TPPP2: variants seen among roughly 807,000 people sequenced by gnomAD.
TPPP2 encodes tubulin polymerization promoting protein family member 2.
In TPPP2, 8 loss-of-function variants were observed where a neutral mutation model predicts 13.0. The observed-to-expected ratio is 0.62, with a 90% CI of 0.36 to 1.11. TPPP2 has a LOEUF of 1.11. Among genes scored for constraint, TPPP2 ranks in the 50% most tolerant of loss-of-function variants. The probability of loss-of-function intolerance (pLI) is 0.02; values close to 1 mark genes in which losing one functional copy is unlikely to be tolerated. For missense variants in TPPP2, 213 were observed against 216.9 expected, an observed-to-expected ratio of 0.98 and a Z score of 0.11; for synonymous variants, 81 against 81.8, an observed-to-expected ratio of 0.99 and a Z score of 0.05.
chr14:21,031,594 G>T (rs1226680767), intron 3 of TPPP2, among the ~76,000 whole-genome samples: 1 of 152,028 alleles, frequency 6.6e-6, no homozygotes, highest in Admixed American at 6.5e-5. Flanking sequence ...CGGGGAGTGG[G>T]AGTGAAGTCC....
chr14:21,027,885 A>G (rs1883802955), upstream of TPPP2, among the ~76,000 whole-genome samples: 1 of 152,196 alleles, frequency 6.6e-6, no homozygotes, highest in Admixed American at 6.5e-5. Context: ...AGTGAGGGGC[A>G]TTCTATCCAG....
chr14:21,027,802 A>G (rs548591330), upstream of TPPP2, among the ~76,000 whole-genome samples: 1 of 152,368 alleles, frequency 6.6e-6, no homozygotes, highest in South Asian at 2.1e-4. Context: ...ACTATAATTC[A>G]GAGAAGGAAA....
At chr14:21,031,382 T>C (rs901015611) in intron 3 of TPPP2, 1 of 551,894 alleles carries the variant, frequency 1.8e-6, no homozygotes, top group Non-Finnish European at 3.0e-6. Flanking sequence ...TTTAGACTAA[T>C]TTCCAAGTGT....
chr14:21,033,006 G>T (rs1884339605), downstream of TPPP2: 1 of 455,322 alleles, frequency 2.2e-6, no homozygotes, highest in African/African-American at 2.0e-5. Flanking sequence ...CCTGGTCAGG[G>T]GCAGACTCTG....
At chr14:21,025,765 T>A, upstream of TPPP2, 1 of 139,058 alleles carries the variant, frequency 7.2e-6, no homozygotes, top group South Asian at 3.2e-4. This position sits in a 1 kb window ranked among gnomAD's most constrained non-coding sequence, Gnocchi z 5.1. Context: ...GGGCGGGGAA[T>A]GCGGGGGGCC....
upstream of TPPP2, among the ~76,000 whole-genome samples, chr14:21,027,094 C>A (rs767002364): frequency 6.6e-6 from 1 of 152,144 alleles, no homozygotes; most frequent in Admixed American, 6.5e-5. Flanking sequence ...TACGCAGGGG[C>A]GCAGGGCAGG....
chr14:21,035,743 T>C (rs1884581653), downstream of TPPP2: 6 of 455,930 alleles, frequency 1.3e-5, no homozygotes, highest in South Asian at 7.7e-5. Flanking sequence ...CAGTCCAAAA[T>C]GGAATCCATC....
At chr14:21,031,314 A>AT (rs1884110660) in intron 3 of TPPP2, 149 bp downstream of exon 3, 1 of 1,089,412 alleles carries the variant, frequency 9.2e-7, no homozygotes, top group Non-Finnish European at 1.3e-6. Context: ...AGTCAGGAAA[A>AT]TGTGGCCCAG....
At chr14:21,033,200 G>A (rs1305206976), downstream of TPPP2, 2 of 353,034 alleles carry the variant, frequency 5.7e-6, no homozygotes, top group African/African-American at 4.3e-5. Context: ...ACAGTCCTAG[G>A]CTCCATGGTA....
At chr14:21,025,302 C>A (rs528074121), upstream of TPPP2, 1 of 955,780 alleles carries the variant, frequency 1.0e-6, no homozygotes, top group Non-Finnish European at 1.2e-6. The surrounding 1 kb of genome is among the most constrained non-coding windows in gnomAD (Gnocchi z 5.1). Context: ...TCCACCACCC[C>A]CTCCCCGCAT....
chr14:21,028,241 T>TTTTTGTTTTG (rs71112541), upstream of TPPP2, among the ~76,000 whole-genome samples: 299 of 150,456 alleles, frequency 2.0e-3, no homozygotes, highest in South Asian at 7.4e-3. Context: ...CTTGGGGTTC[T>TTTTTGTTTTG]TTTTGTTTTG....
At chr14:21,035,929 C>A (rs1477617685), downstream of TPPP2, 3 of 433,294 alleles carry the variant, frequency 6.9e-6, no homozygotes, top group Non-Finnish European at 1.4e-5. Context: ...GGAATTGAAT[C>A]CTGCCTCTGC....
At chr14:21,025,526 G>A, upstream of TPPP2, 1 of 985,482 alleles carries the variant, frequency 1.0e-6, no homozygotes, top group Non-Finnish European at 1.2e-6. The surrounding 1 kb of genome is among the most constrained non-coding windows in gnomAD (Gnocchi z 5.1). Flanking sequence ...CAGAGAACTA[G>A]ATTAAGAAAG....
intron 3 of TPPP2, 80 bp downstream of exon 3, chr14:21,031,245 C>A: frequency 1.3e-6 from 2 of 1,532,166 alleles, no homozygotes; most frequent in Non-Finnish European, 8.8e-7. Context: ...ACCCTGCCAA[C>A]TGTGTGACTG....
At chr14:21,033,273 G>T (rs910690389), downstream of TPPP2, 3 of 316,382 alleles carry the variant, frequency 9.5e-6, no homozygotes, top group African/African-American at 4.4e-5. Context: ...AGAGAAGCAG[G>T]CTGGAAACTG....
chr14:21,025,748 G>C, upstream of TPPP2: 2 of 905,716 alleles, frequency 2.2e-6, no homozygotes, highest in Middle Eastern at 5.7e-4. The surrounding 1 kb of genome is among the most constrained non-coding windows in gnomAD (Gnocchi z 5.1). Context: ...ACAAGGCGGG[G>C]AGGTGGGGGC....
downstream of TPPP2, chr14:21,034,422 A>G (rs949925862): frequency 1.2e-5 from 8 of 680,966 alleles, no homozygotes; most frequent in Non-Finnish European, 1.7e-5. Context: ...CCAAGTTCTC[A>G]TGACCCAGAA....
upstream of TPPP2, chr14:21,029,248 C>T (rs905244269): frequency 1.3e-5 from 2 of 152,166 alleles, no homozygotes; most frequent in African/African-American, 4.8e-5. Flanking sequence ...TTCATTAATC[C>T]GTTTTCATTA....
chr14:21,032,382 T>TA lies in TPPP2; in HGVS notation c.*309dup, dbSNP rs35274235. 0.37 allele frequency: 178,614 copies of TA among 484,634 alleles called. 35,528 individuals carry two copies. Among genetic ancestry groups the TA allele is most frequent in the African/African-American group, 0.55 (28,593 of 51,554 alleles). 30.0% of individuals were successfully genotyped at this position (484,634 alleles called of 1,614,324 possible). On this transcript the variant is annotated 3_prime_UTR_variant, in exon 4 of 4. Transcript: ENST00000321760. ...TAAAGAGATGAACCAGATGTGGAGG[T>TA]AAAAGTATCTACTACTTGTGTTCAC...
Sources: allele counts gnomAD v4.1 joint callset (sites outside exome capture counted in the v4.1 genomes callset), GRCh38; gene constraint gnomAD v4.1.1; non-coding constraint Gnocchi (gnomAD v3.1); transcripts MANE v1.5; gene names NCBI Gene and HGNC (gene_info 2026-07-23, HGNC 2026-07-21).